SYN3: variants seen among roughly 807,000 people sequenced by gnomAD.
The protein encoded by SYN3 is synapsin III.
A neutral mutation model predicts 65.8 loss-of-function variants in SYN3; 35 were observed. That is an observed-to-expected ratio of 0.53 (90% CI 0.41 to 0.70). The LOEUF is 0.70. Ranked by LOEUF, SYN3 falls within the 30% of genes least tolerant of loss-of-function variation. SYN3 has a pLI of 0.00. For synonymous variants in SYN3, 270 were observed against 292.9 expected, an observed-to-expected ratio of 0.92 and a Z score of 0.80; for missense variants, 680 against 749.0, an observed-to-expected ratio of 0.91 and a Z score of 1.08.
chr22:32,914,103 T>C (rs1187597942), intron 4 of SYN3, among the ~76,000 whole-genome samples: 1 of 152,204 alleles, frequency 6.6e-6, no homozygotes, highest in Non-Finnish European at 1.5e-5. Context: ...TTGGGGAAAC[T>C]GGGGCACAGC....
intron 6 of SYN3, among the ~76,000 whole-genome samples, chr22:32,680,364 T>C (rs57930294): frequency 6.6e-6 from 1 of 152,346 alleles, no homozygotes; most frequent in East Asian, 1.9e-4. Flanking sequence ...TTAATTCTAC[T>C]TGATAGTACT....
intron 1 of SYN3, among the ~76,000 whole-genome samples, chr22:33,013,005 A>T (rs528137930): frequency 1.3e-5 from 2 of 152,328 alleles, no homozygotes; most frequent in South Asian, 4.1e-4. Context: ...GTTTAGTTCA[A>T]CTTAGGCTAT....
intron 1 of SYN3, among the ~76,000 whole-genome samples, chr22:33,017,289 G>A (rs1254308396): frequency 6.6e-6 from 1 of 152,068 alleles, no homozygotes; most frequent in East Asian, 1.9e-4. Flanking sequence ...ACCATGTTTT[G>A]ATTACTATAG....
At chr22:32,698,663 A>T (rs2060770565) in intron 6 of SYN3, among the ~76,000 whole-genome samples, 1 of 152,224 alleles carries the variant, frequency 6.6e-6, no homozygotes, top group Non-Finnish European at 1.5e-5. Context: ...TAGTTCTGTT[A>T]TCCTTAGTAC....
chr22:32,692,395 A>G (rs1308438060), intron 6 of SYN3, among the ~76,000 whole-genome samples: 1 of 152,204 alleles, frequency 6.6e-6, no homozygotes, highest in African/African-American at 2.4e-5. Flanking sequence ...GAGGATGGCC[A>G]GCCTTTGGTC....
chr22:32,987,849 G>T (rs1383512046), intron 2 of SYN3, among the ~76,000 whole-genome samples: 1 of 152,166 alleles, frequency 6.6e-6, no homozygotes, highest in African/African-American at 2.4e-5. Context: ...GGCAGATGTA[G>T]TCCTTGTTCT....
At chr22:32,932,781 G>A (rs542424174) in intron 3 of SYN3, among the ~76,000 whole-genome samples, 40 of 152,296 alleles carry the variant, frequency 2.6e-4, no homozygotes, top group African/African-American at 8.2e-4. Flanking sequence ...CAAGGCTGCT[G>A]TAATAGGTGG....
chr22:32,815,916 C>T (rs1055222211), intron 6 of SYN3, among the ~76,000 whole-genome samples: 3 of 152,124 alleles, frequency 2.0e-5, no homozygotes, highest in Admixed American at 1.3e-4. Context: ...TGGTCTTCAC[C>T]GCCCCACTAG....
chr22:32,818,497 A>G (rs1268622882), intron 6 of SYN3, among the ~76,000 whole-genome samples: 1 of 152,120 alleles, frequency 6.6e-6, no homozygotes, highest in African/African-American at 2.4e-5. Flanking sequence ...GGATGAAGTT[A>G]AGGAGAAGTC....
chr22:32,807,401 A>AT (rs1569239976), intron 6 of SYN3, among the ~76,000 whole-genome samples: 4 of 123,574 alleles, frequency 3.2e-5, no homozygotes, highest in Admixed American at 2.0e-4. Flanking sequence ...TATAATATAT[A>AT]TATATTATAT....
intron 6 of SYN3, among the ~76,000 whole-genome samples, chr22:32,776,933 C>T (rs985318405): frequency 1.3e-5 from 2 of 152,128 alleles, no homozygotes; most frequent in East Asian, 1.9e-4. Flanking sequence ...TTCTAAGCCT[C>T]GAAGTGCCCG....
At chr22:32,987,346 A>G (rs763695734) in intron 2 of SYN3, among the ~76,000 whole-genome samples, 29 of 152,254 alleles carry the variant, frequency 1.9e-4, no homozygotes, top group Admixed American at 9.2e-4. Flanking sequence ...TTAGCAAGAG[A>G]GTCACGTGGC....
At chr22:32,850,886 C>T (rs1217044928) in intron 6 of SYN3, among the ~76,000 whole-genome samples, 2 of 152,206 alleles carry the variant, frequency 1.3e-5, no homozygotes, top group Admixed American at 6.5e-5. Context: ...CGGTGGTACC[C>T]AACCATCCCC....
At chr22:32,981,703 C>T (rs1322474572) in intron 2 of SYN3, among the ~76,000 whole-genome samples, 1 of 152,140 alleles carries the variant, frequency 6.6e-6, no homozygotes, top group East Asian at 1.9e-4. Context: ...GCTATGCTGA[C>T]TATCCTAATC....
chr22:32,675,513 T>A (rs2060427536), intron 6 of SYN3, among the ~76,000 whole-genome samples: 1 of 152,130 alleles, frequency 6.6e-6, no homozygotes, highest in Non-Finnish European at 1.5e-5. Context: ...TCTGGTGTGC[T>A]GGGCTGATGC....
At chr22:32,893,836 G>A (rs2049516125) in intron 4 of SYN3, among the ~76,000 whole-genome samples, 1 of 152,040 alleles carries the variant, frequency 6.6e-6, no homozygotes. Flanking sequence ...CCCTTGCTGG[G>A]CTTCACTGTA....
At chr22:32,973,333 GC>G (rs1171544453) in intron 3 of SYN3, among the ~76,000 whole-genome samples, 1 of 152,212 alleles carries the variant, frequency 6.6e-6, no homozygotes, top group African/African-American at 2.4e-5. Context: ...CTAGATTGGT[GC>G]GGGCAGAGTG....
At chr22:32,749,359 T>C (rs1027611015) in intron 6 of SYN3, among the ~76,000 whole-genome samples, 7 of 125,436 alleles carry the variant, frequency 5.6e-5, no homozygotes, top group Non-Finnish European at 9.4e-5. Flanking sequence ...TTTCAACATA[T>C]AGCCGTGCTC....
intron 6 of SYN3, among the ~76,000 whole-genome samples, chr22:32,842,523 C>T (rs369670931): frequency 3.9e-5 from 6 of 152,152 alleles, no homozygotes; most frequent in South Asian, 2.1e-4. Context: ...TTTCGGGTTC[C>T]TCTTGCTGTT....
Sources: allele counts gnomAD v4.1 joint callset (sites outside exome capture counted in the v4.1 genomes callset), GRCh38; gene constraint gnomAD v4.1.1; transcripts MANE v1.5; gene names NCBI Gene and HGNC (gene_info 2026-07-23, HGNC 2026-07-21).